The following PPIG variants were observed in gnomAD, a reference collection of about 807,000 sequenced individuals.
PPIG encodes the protein peptidylprolyl isomerase G.
Under a neutral mutation model 87.9 loss-of-function variants are expected in PPIG, and 26 were observed. The ratio of observed to expected loss-of-function variants is 0.30; its 90% confidence interval spans 0.22 to 0.41. PPIG has a LOEUF of 0.41. Among genes scored for constraint, PPIG ranks in the 10% least tolerant of loss-of-function variants. The pLI is 1.00. For synonymous variants in PPIG, 308 were observed against 276.5 expected (o/e 1.11, Z -1.13); for missense variants, 722 against 879.4 (o/e 0.82, Z 2.26).
chr2:169,637,512 A>G lies in PPIG; in HGVS notation c.2254A>G (p.Lys752Glu). The change falls in exon 14 of 14, where the codon AAA becomes GAA. Residue 752 changes from lysine (K) to glutamate (E), a missense_variant. By Grantham distance (56) the Lys-to-Glu change is moderately conservative. Transcript: ENST00000260970. ...HESSPGTDED[K>E]SG The stretch of plus-strand genomic sequence containing the variant: ...ATCAAGCCCTGGAACAGATGAAGAC[A>G]AAAGCGGATGAGTGAGTTATATAAA... 6.3e-7 allele frequency: 1 copy of G among 1,576,000 alleles called. No homozygotes were observed. Among genetic ancestry groups the G allele is most frequent in the South Asian group, 1.2e-5 (1 of 83,444 alleles).
Position 169,589,661 on chromosome 2 carries a change from G to C in PPIG, c.-70+5171G>C, listed in dbSNP as rs146977594. Among the ~76,000 whole-genome samples, 11 of 152,042 alleles carry C rather than the reference G, an allele frequency of 7.2e-5. No homozygotes were observed. In the East Asian group the frequency reaches 2.1e-3, roughly 29 times the overall value. The stretch of plus-strand genomic sequence containing the variant: ...GGATTCTGGTTTTGGGGTTTTTTTG[G>C]GGGGGGTTGTTTTTTTGGGAAACAA... On this transcript the variant is annotated intron_variant, in intron 1 of 13. Coordinates refer to ENST00000260970, the MANE Select transcript of PPIG (RefSeq NM_004792.3).
At chr2:169,590,365 G>A (rs1027930010) in intron 1 of PPIG, among the ~76,000 whole-genome samples, 59 of 152,044 alleles carry the variant, frequency 3.9e-4, no homozygotes, top group African/African-American at 1.4e-3. Flanking sequence ...TCAGGGCCTG[G>A]AGCAGTGGCT....
intron 9 of PPIG, among the ~76,000 whole-genome samples, chr2:169,616,477 G>T (rs1685612147): frequency 6.6e-6 from 1 of 152,154 alleles, no homozygotes; most frequent in Non-Finnish European, 1.5e-5. Context: ...GTATAACAGT[G>T]TTCCTATTTC....
intron 4 of PPIG, among the ~76,000 whole-genome samples, chr2:169,604,873 TA>T (rs1209396380): frequency 4.4e-3 from 578 of 130,496 alleles, no homozygotes; most frequent in Middle Eastern, 5.1e-3. Context: ...AGACTCCATC[TA>T]AAAAAAAAAA....
At chr2:169,596,929 T>G (rs1685035734) in intron 1 of PPIG, among the ~76,000 whole-genome samples, 1 of 152,164 alleles carries the variant, frequency 6.6e-6, no homozygotes, top group Non-Finnish European at 1.5e-5. Flanking sequence ...CTTGAACTCC[T>G]GACCTCAGGT....
chr2:169,617,218 T>C (rs1685627465), intron 9 of PPIG, among the ~76,000 whole-genome samples: 1 of 152,216 alleles, frequency 6.6e-6, no homozygotes, highest in African/African-American at 2.4e-5. Flanking sequence ...CATTGGTCTA[T>C]ATATCCATTT....
chr2:169,602,347 G>A (rs975016118), intron 1 of PPIG, among the ~76,000 whole-genome samples: 7 of 152,002 alleles, frequency 4.6e-5, no homozygotes, highest in Non-Finnish European at 8.8e-5. Flanking sequence ...TTTGAGTCTC[G>A]CTCTGTCCCC....
intron 9 of PPIG, among the ~76,000 whole-genome samples, chr2:169,627,704 C>CTTTTTTTTTTTT (rs777197172): frequency 3.8e-4 from 39 of 101,862 alleles, no homozygotes; most frequent in African/African-American, 9.8e-4. Context: ...AGTGGGCTTG[C>CTTTTTTTTTTTT]TTTTTTTTTT....
In PPIG at chr2:169,637,180, A is replaced by G; in HGVS notation, c.1922A>G (p.Lys641Arg). 1 of 1,613,310 alleles carries G rather than the reference A, an allele frequency of 6.2e-7. No homozygotes were observed. Among genetic ancestry groups the G allele is most frequent in the Non-Finnish European group, 8.5e-7 (1 of 1,179,832 alleles). Residue 641 changes from lysine to arginine, a missense_variant, in exon 14 of 14, where the codon AAA becomes AGA. Lys to Arg is a conservative substitution (Grantham distance 26, BLOSUM62 2). This residue lies in a region of PPIG where 476 missense variants were observed against 483.1 expected (regional missense o/e 0.99). Transcript: ENST00000260970. ...AGAGAAGAAAGTCAAAGCAGAAACA[A>G]AGACAAATACAGAAACCAAGAGAGT... ...SEREESQSRN[K>R]DKYRNQESKS... is the part of the protein sequence containing the mutation.
intron 1 of PPIG, among the ~76,000 whole-genome samples, chr2:169,585,842 G>C (rs374430852): frequency 6.6e-6 from 1 of 152,110 alleles, no homozygotes; most frequent in African/African-American, 2.4e-5. Context: ...GGAAAAAAGA[G>C]TGAGTGTGTG....
At chr2:169,632,765 T>TAAC in intron 11 of PPIG, among the ~76,000 whole-genome samples, 1 of 151,300 alleles carries the variant, frequency 6.6e-6, no homozygotes, top group Non-Finnish European at 1.5e-5. Context: ...ATAATAATAA[T>TAAC]AACTATGTCC....
chr2:169,624,716 T>A (rs1685838332), intron 9 of PPIG, among the ~76,000 whole-genome samples: 2 of 151,994 alleles, frequency 1.3e-5, no homozygotes, highest in Admixed American at 1.3e-4. Flanking sequence ...GCCTCCTGAG[T>A]AGCTAGGACT....
At chr2:169,606,012 A>C in intron 4 of PPIG, 27 bp from the exon 5 acceptor site, 1 of 1,507,202 alleles carries the variant, frequency 6.6e-7, no homozygotes, top group Non-Finnish European at 9.2e-7. Flanking sequence ...CCTTTCTATT[A>C]AATGTCCTAT....
Position 169,638,440 on chromosome 2 carries a change from A to C in PPIG, c.*917A>C, listed in dbSNP as rs1686239758. ...GTTAGTATTGAGACATTAACTTCTA[A>C]GATTTCTCTTTTTTGGCCTCCAACC... On this transcript the variant is annotated 3_prime_UTR_variant, in exon 14 of 14. Transcript: ENST00000260970. 1.3e-5 allele frequency: 2 copies of C among 151,994 alleles called. 1 individual carries two copies. The highest frequency in any genetic ancestry group is 4.1e-4 in the South Asian group (2 of 4,830). The allele number at this position is 151,994 out of a possible 1,614,324, so 9.4% of individuals were successfully genotyped here. A position where few individuals can be genotyped will look rare whatever the true frequency, so the allele number is the denominator to read the frequency against.
At position 169,636,797 on chromosome 2, in the gene PPIG, G is replaced by C; in HGVS notation, c.1539G>C (p.Arg513Ser). 6.2e-7 allele frequency: 1 copy of C among 1,612,854 alleles called. No homozygotes were observed. Among genetic ancestry groups the C allele is most frequent in the African/African-American group, 1.3e-5 (1 of 74,864 alleles). Residue 513 changes from arginine to serine, a missense_variant, in exon 14 of 14, where the codon AGG becomes AGC. This residue lies in a region of PPIG where 476 missense variants were observed against 483.1 expected (regional missense o/e 0.99). Transcript: ENST00000260970. ...QSDSKGKDQE[R>S]SRSKEKSKQL... ...ATTCTAAAGGAAAAGATCAGGAAAG[G>C]AGTAGAAGTAAAGAGAAGTCTAAAC...
intron 1 of PPIG, among the ~76,000 whole-genome samples, chr2:169,597,855 C>CTTGCTTGTTTGTTTGT (rs559265269): frequency 7.3e-5 from 11 of 150,830 alleles, no homozygotes; most frequent in African/African-American, 2.7e-4. Context: ...CTGTACCTTG[C>CTTGCTTGTTTGTTTGT]TTGTTTGTTT....
intron 7 of PPIG, among the ~76,000 whole-genome samples, chr2:169,610,131 G>C (rs981927522): frequency 6.6e-6 from 1 of 152,130 alleles, no homozygotes; most frequent in Non-Finnish European, 1.5e-5. Flanking sequence ...AATTTAATCT[G>C]TCAGTACCAT....
chr2:169,631,115 T>C (rs1216583071), intron 10 of PPIG, 128 bp downstream of exon 10: 1 of 851,962 alleles, frequency 1.2e-6, no homozygotes, highest in Non-Finnish European at 1.7e-6. Context: ...CGTAGGACTT[T>C]TGATATTCCA....
At chr2:169,597,341 T>TG (rs1685046453) in intron 1 of PPIG, among the ~76,000 whole-genome samples, 1 of 152,124 alleles carries the variant, frequency 6.6e-6, no homozygotes, top group African/African-American at 2.4e-5. Flanking sequence ...GGTCTGAGGC[T>TG]GGAGTGCAGT....
Sources: gnomAD v4.1 joint callset for allele counts (sites outside exome capture counted in the v4.1 genomes callset) on GRCh38, gnomAD v4.1.1 for gene constraint, gnomAD v4.1.1 regional missense constraint, MANE v1.5 for transcripts, NCBI Gene and HGNC (gene_info 2026-07-23, HGNC 2026-07-21) for gene names.